Variants in TMEM184B observed in about 807,000 individuals in gnomAD.
TMEM184B encodes transmembrane protein 184B.
Under a neutral mutation model 41.8 loss-of-function variants are expected in TMEM184B, and 17 were observed. That is an observed-to-expected ratio of 0.41 (90% confidence interval 0.28 to 0.61). TMEM184B has a LOEUF of 0.61. Among genes scored for constraint, TMEM184B ranks in the 20% least tolerant of loss-of-function variants. The pLI is 0.34. For missense variants in TMEM184B, 393 were observed against 557.8 expected, an observed-to-expected ratio of 0.70 and a Z score of 2.98; for synonymous variants, 240 against 229.5, an observed-to-expected ratio of 1.05 and a Z score of -0.41.
In TMEM184B at chr22:38,220,864, TGGGTGG is replaced by T; in HGVS notation, c.*599_*604del. On this transcript the variant is annotated 3_prime_UTR_variant, in exon 9 of 9. Transcript: ENST00000361906. ...GCCCAGGGGCCCTGAATGCCCTTCC[TGGGTGG>T]GGCCTGTGACTCCTGGTGTCTGGCT... is the stretch of plus-strand genomic sequence containing the variant. 1 of 986,144 alleles carries T rather than the reference TGGGTGG, an allele frequency of 1.0e-6. No homozygotes were observed. 61.1% of individuals were successfully genotyped at this position (986,144 alleles called of 1,614,324 possible).
intron 1 of TMEM184B, among the ~76,000 whole-genome samples, chr22:38,257,228 T>C (rs1048483853): frequency 1.3e-5 from 2 of 151,890 alleles, no homozygotes; most frequent in African/African-American, 4.9e-5. Context: ...TTCTAGTCCA[T>C]TAAAAATTTT....
At chr22:38,269,905 A>T (rs1216433791) in intron 1 of TMEM184B, among the ~76,000 whole-genome samples, 2 of 152,172 alleles carry the variant, frequency 1.3e-5, no homozygotes, top group Non-Finnish European at 1.5e-5. Flanking sequence ...AACGGAACAA[A>T]GGCCTGGTCT....
In TMEM184B at chr22:38,268,652, C is replaced by T. The variant is rs117481365; in HGVS notation, c.-59+4232G>A. ...ACTTAGTATCAAACAACTCCATAGA[C>T]ATGAACTCAGACCTCTGCTTTGCAT... On this transcript the variant is annotated intron_variant, in intron 1 of 8. Transcript: ENST00000361906. Among the ~76,000 whole-genome samples the T allele has an allele frequency of 1.2e-3, 179 of 152,344 alleles. 1 individual carries two copies. The highest frequency in any genetic ancestry group is 1.6e-3 in the Non-Finnish European group (110 of 68,036).
intron 3 of TMEM184B, among the ~76,000 whole-genome samples, chr22:38,242,346 C>T (rs1213256495): frequency 2.0e-5 from 3 of 151,216 alleles, no homozygotes; most frequent in Non-Finnish European, 2.9e-5. Flanking sequence ...GGCGTGAAGG[C>T]GTGTGCCTGT....
chr22:38,248,658 A>G (rs958295065), intron 1 of TMEM184B, among the ~76,000 whole-genome samples: 8 of 152,144 alleles, frequency 5.3e-5, no homozygotes, highest in Non-Finnish European at 1.2e-4. Context: ...TCATGTATTT[A>G]TTAACTGTTC....
At chr22:38,216,880 C>T (rs532403453), downstream of TMEM184B, among the ~76,000 whole-genome samples, 2 of 151,820 alleles carry the variant, frequency 1.3e-5, no homozygotes, top group East Asian at 3.9e-4. Flanking sequence ...CCCATCTCTA[C>T]AAAAAATAAA....
intron 1 of TMEM184B, among the ~76,000 whole-genome samples, chr22:38,264,362 T>C (rs1280615474): frequency 2.6e-5 from 4 of 152,236 alleles, no homozygotes; most frequent in African/African-American, 9.6e-5. Context: ...GCAGCCATAA[T>C]TGGTCTCCCC....
intron 3 of TMEM184B, among the ~76,000 whole-genome samples, chr22:38,240,953 A>G (rs935237776): frequency 2.0e-5 from 3 of 152,224 alleles, no homozygotes; most frequent in Non-Finnish European, 4.4e-5. Flanking sequence ...ATTCCACAAA[A>G]TAGACCTCCC....
chr22:38,257,613 T>C (rs1192448984), intron 1 of TMEM184B, among the ~76,000 whole-genome samples: 2 of 152,232 alleles, frequency 1.3e-5, no homozygotes, highest in Non-Finnish European at 2.9e-5. Flanking sequence ...AGGAGGTTTC[T>C]GTACCGTCAA....
At chr22:38,249,526 C>A (rs866710789) in intron 1 of TMEM184B, among the ~76,000 whole-genome samples, 3 of 152,258 alleles carry the variant, frequency 2.0e-5, no homozygotes, top group Middle Eastern at 3.4e-3. Context: ...TGGGTGGGGC[C>A]CTCATGAATG....
chr22:38,233,392 C>T (rs1262728104), intron 3 of TMEM184B, among the ~76,000 whole-genome samples: 1 of 152,194 alleles, frequency 6.6e-6, no homozygotes, highest in Non-Finnish European at 1.5e-5. Context: ...GGCTGTGAGG[C>T]GTGAGCATGA....
At chr22:38,218,498 G>A (rs1049361189), downstream of TMEM184B, among the ~76,000 whole-genome samples, 2 of 151,460 alleles carry the variant, frequency 1.3e-5, no homozygotes, top group African/African-American at 4.9e-5. Flanking sequence ...AGACCGAGGT[G>A]AGGCCAACTC....
At chr22:38,255,235 A>G (rs2092256421) in intron 1 of TMEM184B, among the ~76,000 whole-genome samples, 1 of 152,198 alleles carries the variant, frequency 6.6e-6, no homozygotes, top group Non-Finnish European at 1.5e-5. Flanking sequence ...CATGTTGGTC[A>G]GGCTGATCTT....
chr22:38,242,490 A>G (rs1452094819), intron 3 of TMEM184B, among the ~76,000 whole-genome samples: 1 of 151,986 alleles, frequency 6.6e-6, no homozygotes, highest in Non-Finnish European at 1.5e-5. Flanking sequence ...AAAAAAAAAG[A>G]AAAAAAGCAA....
Position 38,220,826 on chromosome 22 carries a change from C to T in TMEM184B, c.*643G>A. Reference sequence around the variant, plus strand: ...CCCAGGGGCCCAGAAGCCCCTGCTTCAACAGAAGCGGTGCCCAGGGGCCCT... The same window carrying T: ...CCCAGGGGCCCAGAAGCCCCTGCTTTAACAGAAGCGGTGCCCAGGGGCCCT... On this transcript the variant is annotated 3_prime_UTR_variant, in exon 9 of 9. Transcript: ENST00000361906. 1.0e-6 allele frequency: 1 copy of T among 986,082 alleles called. No homozygotes were observed. The highest frequency in any genetic ancestry group is 1.2e-6 in the Non-Finnish European group (1 of 830,118). The allele number at this position is 986,082 out of a possible 1,614,324, so 61.1% of individuals were successfully genotyped here.
At chr22:38,270,825 G>C (rs932291107) in intron 1 of TMEM184B, among the ~76,000 whole-genome samples, 1 of 152,218 alleles carries the variant, frequency 6.6e-6, no homozygotes, top group South Asian at 2.1e-4. Flanking sequence ...GCAGGGACTG[G>C]AAATAGCTCT....
chr22:38,264,051 C>T (rs1339340692), intron 1 of TMEM184B, among the ~76,000 whole-genome samples: 1 of 152,188 alleles, frequency 6.6e-6, no homozygotes, highest in Non-Finnish European at 1.5e-5. Flanking sequence ...GTTACCTGCC[C>T]ACCTCGGCCT....
chr22:38,242,491 A>T (rs1046831101), intron 3 of TMEM184B, among the ~76,000 whole-genome samples: 3 of 152,116 alleles, frequency 2.0e-5, no homozygotes, highest in East Asian at 3.9e-4. Flanking sequence ...AAAAAAAAGA[A>T]AAAAAGCAAA....
chr22:38,229,420 A>G (rs973575637), intron 5 of TMEM184B, among the ~76,000 whole-genome samples: 2 of 152,204 alleles, frequency 1.3e-5, no homozygotes, highest in African/African-American at 4.8e-5. Flanking sequence ...CATTACACTC[A>G]TTTTACAGTG....
Sources: gnomAD v4.1 joint callset for allele counts (sites outside exome capture counted in the v4.1 genomes callset) on GRCh38, gnomAD v4.1.1 for gene constraint, MANE v1.5 for transcripts, NCBI Gene and HGNC (gene_info 2026-07-23, HGNC 2026-07-21) for gene names.